The following RBM6 variants were observed in gnomAD, a reference collection of about 807,000 sequenced individuals.
The protein encoded by RBM6 is RNA-binding protein 6.
A neutral mutation model predicts 140.4 loss-of-function variants in RBM6; 23 were observed. The ratio of observed to expected loss-of-function variants is 0.16; its 90% CI spans 0.12 to 0.23. RBM6 has a LOEUF of 0.23. Ranked by LOEUF, RBM6 falls within the 10% of genes least tolerant of loss-of-function variation. RBM6 has a pLI of 1.00. For missense variants in RBM6, 1,139 were observed against 1,386.7 expected (o/e 0.82, Z 2.84); for synonymous variants, 439 against 475.6 (o/e 0.92, Z 1.00).
intron 1 of RBM6, among the ~76,000 whole-genome samples, chr3:49,945,176 A>ATTTTTT (rs34249907): frequency 8.2e-6 from 1 of 122,120 alleles, no homozygotes; most frequent in Non-Finnish European, 1.7e-5. Flanking sequence ...CGCCCGGCCA[A>ATTTTTT]TTTTTTTTTT....
At chr3:49,981,866 A>G (rs2085319060) in intron 5 of RBM6, among the ~76,000 whole-genome samples, 1 of 152,234 alleles carries the variant, frequency 6.6e-6, no homozygotes, top group African/African-American at 2.4e-5. Context: ...CGTAGTATAT[A>G]AGCTTGCTGT....
intron 1 of RBM6, 30 bp from the exon 2 acceptor site, chr3:49,962,546 G>T: frequency 9.3e-7 from 1 of 1,073,672 alleles, no homozygotes; most frequent in Non-Finnish European, 1.4e-6. Flanking sequence ...ACATTCTAAA[G>T]TACTAATTTT....
chr3:49,976,129 T>A (rs892936703), intron 5 of RBM6, among the ~76,000 whole-genome samples: 1 of 152,206 alleles, frequency 6.6e-6, no homozygotes, highest in Non-Finnish European at 1.5e-5. Flanking sequence ...TGACCTATTT[T>A]GCAGAATTTT....
At chr3:49,945,135 A>G (rs1394640297) in intron 1 of RBM6, among the ~76,000 whole-genome samples, 2 of 149,152 alleles carry the variant, frequency 1.3e-5, no homozygotes, top group Admixed American at 1.3e-4. Context: ...TTGGCCTCCC[A>G]AAGTGCTGGG....
At chr3:50,015,761 G>C (rs559060210) in intron 6 of RBM6, among the ~76,000 whole-genome samples, 1 of 152,084 alleles carries the variant, frequency 6.6e-6, no homozygotes, top group East Asian at 1.9e-4. Flanking sequence ...ATTGATAATT[G>C]TACATGTTTA....
intron 1 of RBM6, among the ~76,000 whole-genome samples, chr3:49,959,026 C>A (rs950646190): frequency 2.0e-5 from 3 of 151,886 alleles, no homozygotes; most frequent in African/African-American, 7.3e-5. Context: ...AACTCCTGAC[C>A]TCGTGACCAA....
chr3:50,027,323 A>T lies in RBM6; in HGVS notation c.1558-20922A>T, dbSNP rs116363761. Among the ~76,000 whole-genome samples the T allele has an allele frequency of 1.8e-3, 273 of 152,226 alleles. 3 individuals are homozygous for T. Among genetic ancestry groups the T allele is most frequent in the African/African-American group, 5.9e-3 (244 of 41,536 alleles). ...CCCTGAAAGCTTTTTTTGTTGTGTT[A>T]TATTTGTTGTAATTGAGGTATAATC... On this transcript the variant is annotated intron_variant, in intron 6 of 20. Transcript: ENST00000266022.
rs374962140 is a variant in RBM6 at position 49,967,837 on chromosome 3, G to A, written c.412G>A (p.Gly138Arg). The change falls in exon 3 of 21, where the codon GGA (glycine) becomes AGA (arginine). Residue 138 changes from glycine to arginine, a missense_variant. Gly to Arg is a moderately radical substitution (Grantham distance 125, BLOSUM62 -2). Around this residue, in one of 9 missense-constraint regions of RBM6, gnomAD observed 566 missense variants for 612.7 expected, o/e 0.92. Coordinates refer to ENST00000266022, the MANE Select transcript of RBM6 (RefSeq NM_005777.3). The surrounding 1 kb of genome is among the most constrained non-coding windows in gnomAD (Gnocchi z 4.0). ...REGPPMDYRG[G>R]DGTSMDYRGR... Reference sequence around the variant, plus strand: ...AGGACCACCTATGGACTATAGGGGTGGAGATGGTACTTCTATGGATTATAG... The same window carrying A: ...AGGACCACCTATGGACTATAGGGGTAGAGATGGTACTTCTATGGATTATAG... 17 of 1,614,018 alleles carry A rather than the reference G, an allele frequency of 1.1e-5. No homozygotes were observed. Among genetic ancestry groups the A allele is most frequent in the Non-Finnish European group, 1.4e-5 (16 of 1,180,044 alleles).
At chr3:49,997,202 C>T (rs2086125139) in intron 5 of RBM6, among the ~76,000 whole-genome samples, 1 of 151,224 alleles carries the variant, frequency 6.6e-6, no homozygotes. Flanking sequence ...ATAGTTAAAC[C>T]TTAAATTTCT....
At chr3:49,980,050 G>C (rs889009414) in intron 5 of RBM6, among the ~76,000 whole-genome samples, 1 of 151,918 alleles carries the variant, frequency 6.6e-6, no homozygotes, top group East Asian at 1.9e-4. Context: ...ACCCAAGCTG[G>C]AGCGTAATGG....
intron 5 of RBM6, among the ~76,000 whole-genome samples, chr3:49,976,538 T>C (rs777076981): frequency 2.0e-5 from 3 of 152,236 alleles, no homozygotes; most frequent in Non-Finnish European, 2.9e-5. Flanking sequence ...TATTTATTTT[T>C]TGCATATGCC....
At chr3:50,058,076 G>A (rs954980103) in intron 9 of RBM6, 73 bp downstream of exon 9, 16 of 1,520,450 alleles carry the variant, frequency 1.1e-5, no homozygotes, top group African/African-American at 2.8e-5. Flanking sequence ...TGTTATGTCC[G>A]GGAGCTATCT....
intron 5 of RBM6, among the ~76,000 whole-genome samples, chr3:49,996,100 G>A (rs1307556133): frequency 6.6e-6 from 1 of 152,090 alleles, no homozygotes; most frequent in Non-Finnish European, 1.5e-5. Context: ...GATGAGACTC[G>A]CCTGTGGCTT....
At chr3:50,064,449 TA>T (rs1263184869) in intron 15 of RBM6, among the ~76,000 whole-genome samples, 3 of 152,218 alleles carry the variant, frequency 2.0e-5, no homozygotes, top group Non-Finnish European at 2.9e-5. Flanking sequence ...ACAATGTTTA[TA>T]TATACATGCC....
At chr3:50,024,805 T>G (rs2087707980) in intron 6 of RBM6, among the ~76,000 whole-genome samples, 1 of 151,616 alleles carries the variant, frequency 6.6e-6, no homozygotes, top group South Asian at 2.1e-4. Flanking sequence ...TACAAAAAAT[T>G]AGCTGGGCGT....
At chr3:49,973,123 G>T (rs1575586735) in intron 4 of RBM6, among the ~76,000 whole-genome samples, 2 of 151,874 alleles carry the variant, frequency 1.3e-5, no homozygotes, top group African/African-American at 4.8e-5. Context: ...GAGCCACCAA[G>T]CCCAGCCCAT....
chr3:50,032,185 G>C (rs1575750413), intron 6 of RBM6, among the ~76,000 whole-genome samples: 1 of 152,092 alleles, frequency 6.6e-6, no homozygotes, highest in South Asian at 2.1e-4. Context: ...ACTACTAGTA[G>C]TCTTTTAATT....
intron 7 of RBM6, among the ~76,000 whole-genome samples, chr3:50,050,351 A>G (rs575665382): frequency 3.3e-5 from 5 of 152,238 alleles, no homozygotes; most frequent in African/African-American, 1.2e-4. Flanking sequence ...TTCACCTAGC[A>G]TGTTTTCAGA....
intron 5 of RBM6, among the ~76,000 whole-genome samples, chr3:49,993,803 A>G (rs562596141): frequency 1.3e-5 from 2 of 151,908 alleles, no homozygotes; most frequent in South Asian, 2.1e-4. Flanking sequence ...GCTCATGCCT[A>G]ATAATCTGCA....
Sources: allele counts gnomAD v4.1 joint callset (sites outside exome capture counted in the v4.1 genomes callset), GRCh38; gene constraint gnomAD v4.1.1; regional missense constraint gnomAD v4.1.1; non-coding constraint Gnocchi (gnomAD v3.1); transcripts MANE v1.5; gene names NCBI Gene and HGNC (gene_info 2026-07-23, HGNC 2026-07-21).